The following IRF8 variants were observed in gnomAD, a reference collection of about 807,000 sequenced individuals.
The protein encoded by IRF8 is interferon consensus sequence binding protein 1.
IRF8 carries 14 observed loss-of-function variants against 48.7 expected under a neutral mutation model. That is an observed-to-expected ratio of 0.29 (90% CI 0.19 to 0.45). The LOEUF (loss-of-function observed/expected upper bound fraction) is 0.45. Ranked by LOEUF, IRF8 falls within the 20% of genes least tolerant of loss-of-function variation. The pLI is 1.00. For synonymous variants in IRF8, 278 were observed against 227.3 expected (o/e 1.22, Z -2.01); for missense variants, 493 against 580.7 (o/e 0.85, Z 1.55).
intron 6 of IRF8, among the ~76,000 whole-genome samples, chr16:85,915,109 C>T (rs919665287): frequency 2.1e-5 from 3 of 139,792 alleles, no homozygotes; most frequent in Non-Finnish European, 4.7e-5. Context: ...TCCCATTTCG[C>T]GGGCTCAGGT....
chr16:85,919,750 C>T (rs1012532165), intron 7 of IRF8, among the ~76,000 whole-genome samples: 5 of 152,278 alleles, frequency 3.3e-5, no homozygotes, highest in Non-Finnish European at 5.9e-5. Context: ...GTCAGAGATT[C>T]GGGTGAGGGC....
At chr16:85,911,319 G>A (rs1905135288) in intron 3 of IRF8, among the ~76,000 whole-genome samples, 1 of 152,146 alleles carries the variant, frequency 6.6e-6, no homozygotes. Context: ...AGACCAAAGT[G>A]CTGTCTTTAT....
At chr16:85,901,915 A>G (rs1393626765) in intron 1 of IRF8, among the ~76,000 whole-genome samples, 1 of 151,450 alleles carries the variant, frequency 6.6e-6, no homozygotes, top group East Asian at 1.9e-4. Context: ...TAATCAGAAG[A>G]ACAAAAATGC....
chr16:85,912,999 C>G (rs1251851586), intron 4 of IRF8, 132 bp from the exon 5 acceptor site: 3 of 798,458 alleles, frequency 3.8e-6, no homozygotes, highest in Non-Finnish European at 6.7e-6. Context: ...TGAAACTTGA[C>G]TTTTGTCTCC....
chr16:85,905,844 G>A (rs138806285), intron 2 of IRF8, among the ~76,000 whole-genome samples: 4 of 152,194 alleles, frequency 2.6e-5, no homozygotes, highest in East Asian at 1.9e-4. Context: ...GGTTTCTTCC[G>A]TAATAAGTGG....
At chr16:85,917,672 A>T (rs912754555) in intron 6 of IRF8, among the ~76,000 whole-genome samples, 5 of 152,168 alleles carry the variant, frequency 3.3e-5, no homozygotes, top group Admixed American at 1.3e-4. Flanking sequence ...TTCAAAAGGG[A>T]GGTTGACAGG....
At chr16:85,916,740 C>T (rs192165497) in intron 6 of IRF8, among the ~76,000 whole-genome samples, 25 of 152,200 alleles carry the variant, frequency 1.6e-4, no homozygotes, top group Admixed American at 1.6e-3. Flanking sequence ...GAACAAAGTT[C>T]GAAAGTTGCT....
chr16:85,916,742 A>G (rs1905321039), intron 6 of IRF8, among the ~76,000 whole-genome samples: 1 of 152,220 alleles, frequency 6.6e-6, no homozygotes, highest in African/African-American at 2.4e-5. Context: ...ACAAAGTTCG[A>G]AAGTTGCTTC....
At chr16:85,918,944 T>A in intron 7 of IRF8, 141 bp downstream of exon 7, 1 of 1,122,518 alleles carries the variant, frequency 8.9e-7, no homozygotes. Context: ...GGCAAGGAGG[T>A]GCTCCTTTGA....
intron 2 of IRF8, among the ~76,000 whole-genome samples, chr16:85,906,362 T>C (rs1905002372): frequency 6.6e-6 from 1 of 152,118 alleles, no homozygotes; most frequent in Non-Finnish European, 1.5e-5. Context: ...GGCCCTGAAA[T>C]CACTCTCATG....
At position 85,916,534 on chromosome 16, in the gene IRF8, C is replaced by G. The variant is rs955194626; in HGVS notation, c.602-1883C>G. Among the ~76,000 whole-genome samples, 10 of 152,218 alleles carry G rather than the reference C, an allele frequency of 6.6e-5. No individual in the cohort carries two copies. The East Asian group carries it at 1.3e-3, about 21-fold the overall frequency. On this transcript the variant is annotated intron_variant, in intron 6 of 8. Coordinates refer to ENST00000268638, the MANE Select transcript of IRF8 (RefSeq NM_002163.4). ...GTACAAGCCTGACAGCTGGAACCTTCTCTTAGCATAAGACGTTCTGGGGTG... is the reference window on the plus strand; with the variant it reads ...GTACAAGCCTGACAGCTGGAACCTTGTCTTAGCATAAGACGTTCTGGGGTG...
At chr16:85,902,969 G>A in intron 1 of IRF8, 46 bp from the exon 2 acceptor site, 4 of 1,605,704 alleles carry the variant, frequency 2.5e-6, no homozygotes, top group Non-Finnish European at 3.4e-6. Context: ...TGTGATGAAT[G>A]AGACAATATC....
In IRF8 at chr16:85,921,345, C is replaced by G. The variant is rs186737180; in HGVS notation, c.*63C>G. ...CATCCATCTCCCTGTTACAGTGGCCCGCATCATGATTAAAGAATGTGGATC... is the reference window on the plus strand; with the variant it reads ...CATCCATCTCCCTGTTACAGTGGCCGGCATCATGATTAAAGAATGTGGATC... On this transcript the variant is annotated 3_prime_UTR_variant, in exon 9 of 9. Coordinates refer to ENST00000268638, the MANE Select transcript of IRF8 (RefSeq NM_002163.4). The G allele has an allele frequency of 8.5e-6, 13 of 1,530,122 alleles. No homozygotes were observed. In the East Asian group the frequency reaches 9.0e-5, roughly 11 times the overall value. The allele number at this position is 1,530,122 out of a possible 1,614,324, so 94.8% of individuals were successfully genotyped here. A position where few individuals can be genotyped will look rare whatever the true frequency, so the allele number is the denominator to read the frequency against.
At chr16:85,900,135 G>A (rs1904783479) in intron 1 of IRF8, among the ~76,000 whole-genome samples, 1 of 152,202 alleles carries the variant, frequency 6.6e-6, no homozygotes, top group African/African-American at 2.4e-5. Flanking sequence ...TGGCTTTGGT[G>A]CTTTCTGGTC....
chr16:85,899,512 G>C (rs142928841), intron 1 of IRF8, among the ~76,000 whole-genome samples: 8 of 152,262 alleles, frequency 5.3e-5, no homozygotes, highest in South Asian at 2.1e-4. Flanking sequence ...AAAACGTTAG[G>C]AGAGCTCATA....
chr16:85,899,443 G>A (rs993690781), intron 1 of IRF8, among the ~76,000 whole-genome samples: 1 of 152,366 alleles, frequency 6.6e-6, no homozygotes, highest in African/African-American at 2.4e-5. Context: ...TGTTTCCAAA[G>A]ATTGGTAGAT....
At chr16:85,899,734 C>T (rs1258371800) in intron 1 of IRF8, among the ~76,000 whole-genome samples, 3 of 152,174 alleles carry the variant, frequency 2.0e-5, no homozygotes, top group Non-Finnish European at 4.4e-5. Flanking sequence ...GGCTTGAGGG[C>T]CTTTGCTTCC....
At chr16:85,918,926 C>A (rs1905431379) in intron 7 of IRF8, 123 bp downstream of exon 7, 4 of 1,257,000 alleles carry the variant, frequency 3.2e-6, no homozygotes, top group Non-Finnish European at 4.5e-6. Context: ...GAGTGAGGGG[C>A]ATGGTGTGGC....
At chr16:85,919,030 G>A (rs965918527) in intron 7 of IRF8, among the ~76,000 whole-genome samples, 1 of 152,122 alleles carries the variant, frequency 6.6e-6, no homozygotes, top group Non-Finnish European at 1.5e-5. Flanking sequence ...GTACAGTGGG[G>A]GTGCAGAATC....
Sources: allele counts gnomAD v4.1 joint callset (sites outside exome capture counted in the v4.1 genomes callset), GRCh38; gene constraint gnomAD v4.1.1; transcripts MANE v1.5; gene names NCBI Gene and HGNC (gene_info 2026-07-23, HGNC 2026-07-21).